The following TBC1D23 variants were observed in gnomAD, a reference collection of about 807,000 sequenced individuals.
TBC1D23 encodes TBC1 domain family member 23.
TBC1D23 carries 55 observed loss-of-function variants against 91.4 expected under a neutral mutation model. That is an observed-to-expected ratio of 0.60 (90% confidence interval 0.48 to 0.75). TBC1D23 has a LOEUF of 0.75. Ranked by LOEUF, TBC1D23 falls within the 30% of genes least tolerant of loss-of-function variation. The pLI is 0.00. For missense variants in TBC1D23, 725 were observed against 836.1 expected, an observed-to-expected ratio of 0.87 and a Z score of 1.64; for synonymous variants, 289 against 281.0, an observed-to-expected ratio of 1.03 and a Z score of -0.28.
chr3:100,298,047 T>A lies in TBC1D23; in HGVS notation c.999+2T>A. ...CTTCAAGCGAATCAGCTACAAGGGGTAAGTAAAGGAAACCCAGTTTGTTAG... is the reference window on the plus strand; with the variant it reads ...CTTCAAGCGAATCAGCTACAAGGGGAAAGTAAAGGAAACCCAGTTTGTTAG... On this transcript the variant is annotated splice_donor_variant, in intron 9 of 18. Coordinates refer to ENST00000394144, the MANE Select transcript of TBC1D23 (RefSeq NM_001199198.3). LOFTEE classifies it high-confidence loss of function. 6.2e-7 allele frequency: 1 copy of A among 1,612,346 alleles called. No homozygotes were observed.
intron 1 of TBC1D23, among the ~76,000 whole-genome samples, chr3:100,270,812 G>T (rs1559799908): frequency 6.6e-6 from 1 of 151,870 alleles, no homozygotes; most frequent in Non-Finnish European, 1.5e-5. Flanking sequence ...TTTATTTTAA[G>T]AAAACAATAA....
At position 100,283,876 on chromosome 3, in the gene TBC1D23, A is replaced by C. The variant is rs193004504; in HGVS notation, c.476+65A>C. On this transcript the variant is annotated intron_variant, in intron 4 of 18. Coordinates refer to ENST00000394144, the MANE Select transcript of TBC1D23 (RefSeq NM_001199198.3). ...TACAGGCCTGGTTTGCTTTGAGCTAAAGTTGCTAGATTTACTTTGGCGGTA... is the reference window on the plus strand; with the variant it reads ...TACAGGCCTGGTTTGCTTTGAGCTACAGTTGCTAGATTTACTTTGGCGGTA... 2.5e-4 allele frequency: 238 copies of C among 941,886 alleles called. 1 individual carries two copies. The African/African-American group carries it at 3.4e-3, about 14-fold the overall frequency. The allele number at this position is 941,886 out of a possible 1,614,324, so 58.3% of individuals were successfully genotyped here. A position where few individuals can be genotyped will look rare whatever the true frequency, so the allele number is the denominator to read the frequency against.
chr3:100,267,764 G>T (rs993932578), intron 1 of TBC1D23, among the ~76,000 whole-genome samples: 1 of 152,128 alleles, frequency 6.6e-6, no homozygotes, highest in African/African-American at 2.4e-5. Flanking sequence ...GATTTGGGAT[G>T]CTCCACCTAT....
At position 100,302,286 on chromosome 3, in the gene TBC1D23, T is replaced by C. The variant is rs780837418; in HGVS notation, c.1263+49T>C. 1.0e-5 allele frequency: 15 copies of C among 1,437,794 alleles called. No individual in the cohort carries two copies. In the African/African-American group the frequency reaches 2.2e-4, roughly 21 times the overall value. 89.1% of individuals were successfully genotyped at this position (1,437,794 alleles called of 1,614,324 possible). ...GTTTTGTTTGGTTAATGTTATCACC[T>C]TTAAAAAATTTACATAGATAACTTT... is the stretch of plus-strand genomic sequence containing the variant. On this transcript the variant is annotated intron_variant, in intron 11 of 18. Transcript: ENST00000394144.
chr3:100,297,511 C>G (rs964014326), intron 8 of TBC1D23, among the ~76,000 whole-genome samples: 5 of 152,160 alleles, frequency 3.3e-5, no homozygotes, highest in Admixed American at 1.3e-4. Context: ...ATTCTTCAGA[C>G]ATAGTGAAAC....
intron 3 of TBC1D23, among the ~76,000 whole-genome samples, chr3:100,282,857 GCCTATCTTTA>G (rs998775954): frequency 1.3e-5 from 2 of 152,190 alleles, no homozygotes; most frequent in African/African-American, 4.8e-5. Context: ...TATGGGCTAT[GCCTATCTTTA>G]CCTATCCCTT....
At chr3:100,281,584 T>A (rs1432562246) in intron 2 of TBC1D23, 158 bp from the exon 3 acceptor site, 2 of 446,142 alleles carry the variant, frequency 4.5e-6, no homozygotes, top group Non-Finnish European at 8.0e-6. Context: ...TTCTGCTGGT[T>A]GTGACATGAC....
intron 1 of TBC1D23, among the ~76,000 whole-genome samples, chr3:100,262,744 A>AAC (rs1559797350): frequency 6.6e-6 from 1 of 151,302 alleles, no homozygotes; most frequent in Non-Finnish European, 1.5e-5. Flanking sequence ...AAAAAAAAAA[A>AAC]ACACTAAAAA....
At chr3:100,288,987 G>A (rs1351959975) in intron 4 of TBC1D23, among the ~76,000 whole-genome samples, 1 of 152,164 alleles carries the variant, frequency 6.6e-6, no homozygotes, top group Non-Finnish European at 1.5e-5. Context: ...GCCGAGGAGG[G>A]AGGATCGCTT....
At chr3:100,287,147 CTG>C (rs1467663478) in intron 4 of TBC1D23, among the ~76,000 whole-genome samples, 3 of 152,186 alleles carry the variant, frequency 2.0e-5, no homozygotes, top group Admixed American at 6.5e-5. Flanking sequence ...GGGTCTCACT[CTG>C]TCACCCAGAC....
chr3:100,285,400 G>A (rs1403391628), intron 4 of TBC1D23, among the ~76,000 whole-genome samples: 1 of 152,044 alleles, frequency 6.6e-6, no homozygotes, highest in East Asian at 1.9e-4. Flanking sequence ...GGTTCATATT[G>A]TATCATATAT....
chr3:100,272,690 CAGAG>C (rs1227061226), intron 1 of TBC1D23, among the ~76,000 whole-genome samples: 1 of 152,104 alleles, frequency 6.6e-6, no homozygotes, highest in Non-Finnish European at 1.5e-5. Context: ...GGGTGTTTCT[CAGAG>C]AGGGGGATGT....
At chr3:100,280,869 G>A (rs2067688283) in intron 2 of TBC1D23, among the ~76,000 whole-genome samples, 2 of 152,232 alleles carry the variant, frequency 1.3e-5, no homozygotes, top group Admixed American at 6.5e-5. Context: ...TAAAAGAATG[G>A]TAATTCCTGG....
intron 13 of TBC1D23, among the ~76,000 whole-genome samples, chr3:100,307,276 T>G (rs1705532340): frequency 6.6e-6 from 1 of 152,360 alleles, no homozygotes; most frequent in East Asian, 1.9e-4. Context: ...TACCTAGTGA[T>G]TATTCTTTAA....
chr3:100,315,079 A>ACACT (rs1705709762), intron 15 of TBC1D23, among the ~76,000 whole-genome samples: 1 of 151,726 alleles, frequency 6.6e-6, no homozygotes, highest in Admixed American at 6.6e-5. Context: ...AAGAAAGGTC[A>ACACT]CACTTCCTAT....
intron 18 of TBC1D23, 101 bp downstream of exon 18, chr3:100,321,072 G>GT: frequency 1.2e-6 from 1 of 864,624 alleles, no homozygotes; most frequent in African/African-American, 1.7e-5. Flanking sequence ...GGAATGGATG[G>GT]TGGAATAGGA....
intron 1 of TBC1D23, among the ~76,000 whole-genome samples, chr3:100,266,028 GA>G (rs1202559390): frequency 6.6e-6 from 1 of 152,076 alleles, no homozygotes; most frequent in East Asian, 1.9e-4. Context: ...AAATGTAAAA[GA>G]AAAAGGAACT....
intron 1 of TBC1D23, among the ~76,000 whole-genome samples, chr3:100,277,840 A>G (rs1017789906): frequency 3.3e-5 from 5 of 152,226 alleles, no homozygotes; most frequent in African/African-American, 1.2e-4. Context: ...TTTATCAGCT[A>G]TAGGCCTGAA....
intron 1 of TBC1D23, among the ~76,000 whole-genome samples, chr3:100,272,328 G>A (rs940414191): frequency 2.0e-5 from 3 of 152,104 alleles, no homozygotes; most frequent in Admixed American, 6.5e-5. Flanking sequence ...TACTTAATAC[G>A]CTAGAGAAGT....
Sources: allele counts gnomAD v4.1 joint callset (sites outside exome capture counted in the v4.1 genomes callset), GRCh38; gene constraint gnomAD v4.1.1; transcripts MANE v1.5; gene names NCBI Gene and HGNC (gene_info 2026-07-23, HGNC 2026-07-21).